Variants in ENOX1 observed in about 807,000 individuals in gnomAD.
ENOX1 encodes candidate growth-related and time keeping constitutive hydroquinone (NADH) oxidase.
ENOX1 carries 42 observed loss-of-function variants against 82.5 expected under a neutral mutation model. The observed-to-expected ratio is 0.51, with a 90% CI of 0.40 to 0.66. The LOEUF (loss-of-function observed/expected upper bound fraction) is 0.66. Among genes scored for constraint, ENOX1 ranks in the 30% least tolerant of loss-of-function variants. The pLI is 0.00. For missense variants in ENOX1, 608 were observed against 811.6 expected, an observed-to-expected ratio of 0.75 and a Z score of 3.05; for synonymous variants, 271 against 282.2, an observed-to-expected ratio of 0.96 and a Z score of 0.40.
intron 1 of ENOX1, among the ~76,000 whole-genome samples, chr13:43,752,639 C>T (rs767452419): frequency 2.3e-4 from 35 of 152,288 alleles, no homozygotes; most frequent in Non-Finnish European, 1.3e-4. Context: ...CCTTTCTCCA[C>T]TGAATTGCCC....
At chr13:43,400,422 A>T (rs1430713756) in intron 5 of ENOX1, among the ~76,000 whole-genome samples, 1 of 152,192 alleles carries the variant, frequency 6.6e-6, no homozygotes, top group African/African-American at 2.4e-5. Flanking sequence ...ACATAGGTTG[A>T]CTCAAGTCCA....
chr13:43,402,903 C>G (rs970788424), intron 5 of ENOX1, among the ~76,000 whole-genome samples: 1 of 151,584 alleles, frequency 6.6e-6, no homozygotes, highest in Non-Finnish European at 1.5e-5. Flanking sequence ...GGATGCATTT[C>G]CTAGTGTGGA....
chr13:43,620,828 A>T (rs529872462), intron 2 of ENOX1, among the ~76,000 whole-genome samples: 78 of 152,174 alleles, frequency 5.1e-4, no homozygotes, highest in Non-Finnish European at 7.8e-4. Flanking sequence ...TGACCTGCCT[A>T]GTGCTGTCAG....
At chr13:43,751,079 C>A (rs1358955172) in intron 1 of ENOX1, among the ~76,000 whole-genome samples, 1 of 152,186 alleles carries the variant, frequency 6.6e-6, no homozygotes, top group African/African-American at 2.4e-5. Flanking sequence ...TCTCTGGCTG[C>A]CAGGACCCCA....
chr13:43,421,378 G>A (rs574398848), intron 3 of ENOX1, among the ~76,000 whole-genome samples: 43 of 152,282 alleles, frequency 2.8e-4, no homozygotes, highest in African/African-American at 1.0e-3. Context: ...ACTTTACGAT[G>A]GTGAGAAAGC....
At chr13:43,711,702 G>C (rs1333671202) in intron 1 of ENOX1, among the ~76,000 whole-genome samples, 1 of 151,984 alleles carries the variant, frequency 6.6e-6, no homozygotes. Flanking sequence ...TGTGCTTTTT[G>C]GCTGCATAAA....
At chr13:43,357,759 C>T (rs189141490) in intron 7 of ENOX1, among the ~76,000 whole-genome samples, 3 of 152,316 alleles carry the variant, frequency 2.0e-5, no homozygotes, top group African/African-American at 7.2e-5. Context: ...AAAAGAGACC[C>T]TGATGAGGCT....
chr13:43,353,236 A>G (rs1246534299), intron 8 of ENOX1, among the ~76,000 whole-genome samples: 3 of 152,188 alleles, frequency 2.0e-5, no homozygotes, highest in African/African-American at 7.2e-5. Flanking sequence ...CTGAGCACCT[A>G]CTATGTGCAC....
At chr13:43,385,357 T>G (rs1168645259) in intron 5 of ENOX1, among the ~76,000 whole-genome samples, 1 of 151,952 alleles carries the variant, frequency 6.6e-6, no homozygotes, top group East Asian at 1.9e-4. Context: ...GCAACATATA[T>G]GACCTATTTT....
chr13:43,341,303 A>G (rs892034840), intron 9 of ENOX1, among the ~76,000 whole-genome samples: 4 of 151,840 alleles, frequency 2.6e-5, no homozygotes, highest in Admixed American at 6.6e-5. Flanking sequence ...CTCAAAAAAA[A>G]AAAAGAGAGA....
At chr13:43,322,234 G>A (rs1275429897) in intron 11 of ENOX1, 150 bp downstream of exon 11, 1 of 575,150 alleles carries the variant, frequency 1.7e-6, no homozygotes, top group Non-Finnish European at 3.1e-6. Flanking sequence ...GGAGTTTAAA[G>A]TTCTATTAAT....
At chr13:43,442,935 A>G (rs943907700) in intron 3 of ENOX1, among the ~76,000 whole-genome samples, 1 of 152,218 alleles carries the variant, frequency 6.6e-6, no homozygotes, top group African/African-American at 2.4e-5. Context: ...AATCTTAAGA[A>G]TAAGTCCAGT....
chr13:43,635,970 T>C (rs1043603664), intron 2 of ENOX1, among the ~76,000 whole-genome samples: 4 of 152,172 alleles, frequency 2.6e-5, no homozygotes, highest in East Asian at 3.9e-4. Flanking sequence ...GGCCCTATCA[T>C]GGGACTGACC....
At chr13:43,757,478 C>A in intron 1 of ENOX1, among the ~76,000 whole-genome samples, 1 of 152,170 alleles carries the variant, frequency 6.6e-6, no homozygotes, top group Non-Finnish European at 1.5e-5. Context: ...ATCACTCCAG[C>A]TTTCAGTCAG....
Position 43,326,488 on chromosome 13 carries a change from T to C in ENOX1, c.1074A>G (p.Arg358=), listed in dbSNP as rs929255516. ...TCGAGAAATGGTCCCAAGCTTTTTGTCTGGTAGAAGCGTTGAAAACGGCCA... is the reference window on the plus strand; with the variant it reads ...TCGAGAAATGGTCCCAAGCTTTTTGCCTGGTAGAAGCGTTGAAAACGGCCA... The part of the protein sequence containing the change: ...QIVAVFNAST[R]QKAWDHFSKA... The change falls in exon 10 of 17, where the codon AGA becomes AGG. Residue 358 remains arginine, a synonymous_variant. Transcript: ENST00000690772. The C allele has an allele frequency of 1.9e-6, 3 of 1,614,186 alleles. No homozygotes were observed. The highest frequency in any genetic ancestry group is 2.5e-6 in the Non-Finnish European group (3 of 1,179,992).
At chr13:43,414,518 A>G (rs9567176) in intron 3 of ENOX1, among the ~76,000 whole-genome samples, 2,210 of 152,328 alleles carry the variant, frequency 0.015, 41 homozygotes, top group East Asian at 0.089. Context: ...ACCATAGAAA[A>G]TAAATTCAAC....
chr13:43,751,279 C>T lies in ENOX1; in HGVS notation c.-285+35373G>A, dbSNP rs77944605. Among the ~76,000 whole-genome samples the T allele has an allele frequency of 1.6e-3, 239 of 152,268 alleles. 1 individual carries two copies. Among genetic ancestry groups the T allele is most frequent in the African/African-American group, 5.4e-3 (224 of 41,574 alleles). On this transcript the variant is annotated intron_variant, in intron 1 of 16. Coordinates refer to ENST00000690772, the MANE Select transcript of ENOX1 (RefSeq NM_001347969.2). ...CCAACTTTCCTTTCCCAGGAGAGAC[C>T]CACTGCTTTTCTTGGACTAACAGAA...
chr13:43,695,163 A>G (rs571223801), intron 1 of ENOX1, among the ~76,000 whole-genome samples: 1 of 152,174 alleles, frequency 6.6e-6, no homozygotes, highest in East Asian at 1.9e-4. Context: ...CCGCAGAGTG[A>G]TATGTTCACA....
chr13:43,725,897 G>T lies in ENOX1; in HGVS notation c.-284-58353C>A, dbSNP rs112994867. On this transcript the variant is annotated intron_variant, in intron 1 of 16. Transcript: ENST00000690772. ...CAGGAGGGTTGCTTGAGCCCAGGAGGTGGAGGCTGCAGTGAGCTGAGATTA... is the reference window on the plus strand; with the variant it reads ...CAGGAGGGTTGCTTGAGCCCAGGAGTTGGAGGCTGCAGTGAGCTGAGATTA... Among the ~76,000 whole-genome samples, 620 of 151,948 alleles carry T rather than the reference G, an allele frequency of 4.1e-3. 7 individuals are homozygous for T. Among genetic ancestry groups the T allele is most frequent in the African/African-American group, 0.014 (562 of 41,434 alleles).
Sources: gnomAD v4.1 joint callset for allele counts (sites outside exome capture counted in the v4.1 genomes callset) on GRCh38, gnomAD v4.1.1 for gene constraint, MANE v1.5 for transcripts, NCBI Gene and HGNC (gene_info 2026-07-23, HGNC 2026-07-21) for gene names.